The following MUC5B variants were observed in gnomAD, a reference collection of about 807,000 sequenced individuals.
The protein encoded by MUC5B is mucin 5B, oligomeric mucus/gel-forming, also known as mucin-5B.
In MUC5B, 116 loss-of-function variants were observed where a neutral mutation model predicts 376.9. The ratio of observed to expected loss-of-function variants is 0.31; its 90% CI spans 0.26 to 0.36. The LOEUF is 0.36. Ranked by LOEUF, MUC5B falls within the 10% of genes least tolerant of loss-of-function variation. The probability of loss-of-function intolerance (pLI) is 1.00; values close to 1 mark genes in which losing one functional copy is unlikely to be tolerated. For missense variants in MUC5B, 7,165 were observed against 7,769.9 expected (o/e 0.92, Z 2.93); for synonymous variants, 3,517 against 3,390.9 (o/e 1.04, Z -1.29).
chr11:1,245,918 C>T lies in MUC5B; in HGVS notation c.9038C>T (p.Ser3013Phe). The T allele has an allele frequency of 2.5e-6, 4 of 1,613,168 alleles. No homozygotes were observed. The highest frequency in any genetic ancestry group is 3.4e-6 in the Non-Finnish European group (4 of 1,179,726). ...TATTGSTAIP[S>F]STPGTAPPPK... is the part of the protein sequence containing the mutation. ...ACCACTGGATCCACGGCCATCCCGT[C>T]CTCCACCCCGGGAACAGCTCCCCCT... The change falls in exon 31 of 49, where the codon TCC becomes TTC. Residue 3013 changes from serine (S) to phenylalanine (F), a missense_variant. Physicochemically the swap from Ser to Phe is radical, Grantham distance 155. Coordinates refer to ENST00000529681, the MANE Select transcript of MUC5B (RefSeq NM_002458.3).
Position 1,246,560 on chromosome 11 carries a change from G to A in MUC5B, c.9680G>A (p.Ser3227Asn). Residue 3227 changes from serine (S) to asparagine (N), a missense_variant, in exon 31 of 49, where the codon AGC (serine) becomes AAC (asparagine). Ser to Asn is a conservative substitution (Grantham distance 46). This residue lies in a region of MUC5B where 939 missense variants were observed against 770.6 expected (regional missense o/e 1.22). Transcript: ENST00000529681. ...GTATALPALR[S>N]TATTPTATSV... is the part of the protein sequence containing the mutation. ...GCAACCGCCCTTCCAGCACTGAGAAGCACAGCCACCACACCCACAGCTACC... is the reference window on the plus strand; with the variant it reads ...GCAACCGCCCTTCCAGCACTGAGAAACACAGCCACCACACCCACAGCTACC... The A allele has an allele frequency of 1.2e-6, 2 of 1,612,684 alleles. No individual in the cohort carries two copies. Among genetic ancestry groups the A allele is most frequent in the Middle Eastern group, 1.7e-4 (1 of 6,054 alleles).
intron 5 of MUC5B, 55 bp downstream of exon 5, chr11:1,227,200 C>CG: frequency 1.3e-6 from 2 of 1,574,204 alleles, no homozygotes; most frequent in South Asian, 2.2e-5. Context: ...AAACCCCCAC[C>CG]GGGGGTCGAG....
Position 1,245,718 on chromosome 11 carries a change from C to T in MUC5B, c.8838C>T (p.Asn2946=). ...TGGACTTTGGCCTGGTCTGCAGGAACCGTGAGCAGGTGGGGAAGTTCAAGA... is the reference window on the plus strand; with the variant it reads ...TGGACTTTGGCCTGGTCTGCAGGAATCGTGAGCAGGTGGGGAAGTTCAAGA... ...CSLDFGLVCR[N]REQVGKFKMC... is the part of the protein sequence containing the mutation. The change falls in exon 31 of 49, where the codon AAC becomes AAT. Residue 2946 remains asparagine (N), a synonymous_variant. Coordinates refer to ENST00000529681, the MANE Select transcript of MUC5B (RefSeq NM_002458.3). 1 of 1,609,500 alleles carries T rather than the reference C, an allele frequency of 6.2e-7. No homozygotes were observed. The highest frequency in any genetic ancestry group is 8.5e-7 in the Non-Finnish European group (1 of 1,179,336).
chr11:1,260,477 G>A, intron 47 of MUC5B, 84 bp downstream of exon 47: 1 of 1,540,768 alleles, frequency 6.5e-7, no homozygotes, highest in Non-Finnish European at 8.9e-7. Context: ...ATCTGCACTA[G>A]GCAGCAGTGG....
rs1210706964 is a variant in MUC5B, at chr11:1,251,049, C to T, written c.14169C>T (p.Ala4723=). 2.5e-6 allele frequency: 4 copies of T among 1,611,338 alleles called. No homozygotes were observed. Among genetic ancestry groups the T allele is most frequent in the Non-Finnish European group, 3.4e-6 (4 of 1,178,300 alleles). ...ATTPAATSSK[A]TSSSSPRTAT... ...CACCCGCAGCCACCAGCTCCAAAGC[C>T]ACTTCCTCCTCCAGTCCAAGGACTG... The change falls in exon 31 of 49, where the codon GCC becomes GCT. Residue 4723 remains alanine (A), a synonymous_variant. Coordinates refer to ENST00000529681, the MANE Select transcript of MUC5B (RefSeq NM_002458.3).
rs369044295 is a variant in MUC5B at position 1,236,911 on chromosome 11, C to T, written c.3058-14C>T. On this transcript the variant is annotated splice_polypyrimidine_tract_variant and intron_variant, in intron 24 of 48. Coordinates refer to ENST00000529681, the MANE Select transcript of MUC5B (RefSeq NM_002458.3). ...CCCCAGCTCCAGGGCCCCACTCTCT[C>T]GCTGCCTCTGCAGGGCAGGGTCTGC... is the stretch of plus-strand genomic sequence containing the variant. The T allele has an allele frequency of 5.1e-5, 72 of 1,422,734 alleles. No homozygotes were observed. In the African/African-American group the frequency reaches 7.8e-4, roughly 15 times the overall value. The allele number at this position is 1,422,734 out of a possible 1,614,324, so 88.1% of individuals were successfully genotyped here. A position where few individuals can be genotyped will look rare whatever the true frequency, so the allele number is the denominator to read the frequency against.
rs767213319 is a variant in MUC5B at position 1,229,756 on chromosome 11, G to A, written c.1169G>A (p.Gly390Asp). ...LPLGQCPCTH[G>D]GRTYSPGTSF... is the part of the protein sequence containing the mutation. Reference sequence around the variant, plus strand: ...CTCGGGCAGTGCCCCTGCACCCACGGCGGCCGCACCTACAGCCCGGGCACC... The same window carrying A: ...CTCGGGCAGTGCCCCTGCACCCACGACGGCCGCACCTACAGCCCGGGCACC... Residue 390 changes from glycine (G) to aspartate (D), a missense_variant, in exon 10 of 49, where the codon GGC (glycine) becomes GAC (aspartate). Transcript: ENST00000529681. 1.2e-6 allele frequency: 2 copies of A among 1,601,714 alleles called. No homozygotes were observed. Among genetic ancestry groups the A allele is most frequent in the South Asian group, 1.1e-5 (1 of 89,204 alleles).
rs1862127636 is a variant in MUC5B at position 1,235,168 on chromosome 11, C to T, written c.2714C>T (p.Thr905Ile). Residue 905 changes from threonine to isoleucine, a missense_variant, in exon 22 of 49, where the codon ACC (threonine) becomes ATC (isoleucine). This residue lies in a region of MUC5B where 530 missense variants were observed against 604.0 expected (regional missense o/e 0.88). Transcript: ENST00000529681. ...CVAYGDGHFI[T>I]FDGDRYSFEG... ...GCCTACGGGGATGGCCACTTCATCA[C>T]CTTTGATGGCGATCGCTACAGCTTT... 1 of 1,613,090 alleles carries T rather than the reference C, an allele frequency of 6.2e-7. No homozygotes were observed. Among genetic ancestry groups the T allele is most frequent in the Non-Finnish European group, 8.5e-7 (1 of 1,179,724 alleles).
rs745761780 is a variant in MUC5B at position 1,240,268 on chromosome 11, T to C, written c.3863T>C (p.Ile1288Thr). ...GGGCTTGGCGCCTGCTTGATCGCCA[T>C]CTGCGGAAGCAACGGCACCATCATC... ...TDGLGACLIAICGSNGTIIRK... is the reference protein window; with the variant it reads ...TDGLGACLIATCGSNGTIIRK... The change falls in exon 30 of 49, where the codon ATC becomes ACC. Residue 1288 changes from isoleucine to threonine, a missense_variant. Physicochemically the swap from Ile to Thr is moderately conservative, Grantham distance 89 (BLOSUM62 -1). Transcript: ENST00000529681. 18 of 1,613,726 alleles carry C rather than the reference T, an allele frequency of 1.1e-5. No individual in the cohort carries two copies. The highest frequency in any genetic ancestry group is 3.3e-4 in the Middle Eastern group (2 of 6,058).
intron 1 of MUC5B, chr11:1,223,466 A>C: frequency 6.9e-6 from 3 of 437,256 alleles, no homozygotes; most frequent in East Asian, 4.9e-5. Flanking sequence ...GACCACCGAA[A>C]GGGTCTTGGT....
In MUC5B at chr11:1,251,390, C is replaced by A; in HGVS notation, c.14510C>A (p.Thr4837Asn). ...TTTAATGSTA[T>N]LSSTPGTTWI... ...ACTGCAGCCACTGGATCCACGGCCA[C>A]CCTGTCCTCCACCCCAGGGACCACC... The change falls in exon 31 of 49, where the codon ACC becomes AAC. Residue 4837 changes from threonine to asparagine, a missense_variant. By Grantham distance (65) the Thr-to-Asn change is moderately conservative (BLOSUM62 0). This residue lies in a region of MUC5B where 730 missense variants were observed against 592.7 expected (regional missense o/e 1.23). Coordinates refer to ENST00000529681, the MANE Select transcript of MUC5B (RefSeq NM_002458.3). 1 of 1,612,294 alleles carries A rather than the reference C, an allele frequency of 6.2e-7. No individual in the cohort carries two copies. The highest frequency in any genetic ancestry group is 8.5e-7 in the Non-Finnish European group (1 of 1,178,992).
At position 1,244,884 on chromosome 11, in the gene MUC5B, T is replaced by A. The variant is rs776934790; in HGVS notation, c.8004T>A (p.Thr2668=). The A allele has an allele frequency of 1.9e-6, 3 of 1,602,208 alleles. No homozygotes were observed. Among genetic ancestry groups the A allele is most frequent in the Admixed American group, 1.7e-5 (1 of 58,564 alleles). ...CAGTGCTGACCACCACCACCACAACTGTGGCCACTGGTTCTATGGCAACAC... is the reference window on the plus strand; with the variant it reads ...CAGTGCTGACCACCACCACCACAACAGTGGCCACTGGTTCTATGGCAACAC... ...TPTVLTTTTT[T]VATGSMATPS... is the part of the protein sequence containing the mutation. The change falls in exon 31 of 49, where the codon ACT becomes ACA. Residue 2668 remains threonine, a synonymous_variant. Transcript: ENST00000529681.
intron 30 of MUC5B, 71 bp downstream of exon 30, chr11:1,240,446 T>G: frequency 1.4e-6 from 2 of 1,382,228 alleles, no homozygotes; most frequent in South Asian, 2.7e-5. Flanking sequence ...GGGCTCTTAG[T>G]GCAGGTGCCC....
Position 1,246,293 on chromosome 11 carries a change from T to G in MUC5B, c.9413T>G (p.Leu3138Arg). 2 of 1,605,670 alleles carry G rather than the reference T, an allele frequency of 1.2e-6. No homozygotes were observed. Among genetic ancestry groups the G allele is most frequent in the Middle Eastern group, 1.7e-4 (1 of 6,002 alleles). ...TPGTTWILTE[L>R]TTAATTTAAT... is the part of the protein sequence containing the mutation. ...GGGACGACCTGGATCCTCACAGAGC[T>G]GACCACAGCAGCCACTACAACTGCA... The change falls in exon 31 of 49, where the codon CTG becomes CGG. Residue 3138 changes from leucine to arginine, a missense_variant. Coordinates refer to ENST00000529681, the MANE Select transcript of MUC5B (RefSeq NM_002458.3).
rs1861993387 is a variant in MUC5B, at chr11:1,230,248, C to T, written c.1359+105C>T. 39 of 1,438,824 alleles carry T rather than the reference C, an allele frequency of 2.7e-5. 2 individuals are homozygous for T. The South Asian group carries it at 4.5e-4, about 17-fold the overall frequency. 89.1% of individuals were successfully genotyped at this position (1,438,824 alleles called of 1,614,324 possible). ...ACGATGGTCATAGAGGGGTGGATGTCCCTGCTGAGGGGGGAGCCCTGGGTC... is the reference window on the plus strand; with the variant it reads ...ACGATGGTCATAGAGGGGTGGATGTTCCTGCTGAGGGGGGAGCCCTGGGTC... On this transcript the variant is annotated intron_variant, in intron 11 of 48. Transcript: ENST00000529681.
At position 1,249,427 on chromosome 11, in the gene MUC5B, C is replaced by T; in HGVS notation, c.12547C>T (p.Pro4183Ser). Residue 4183 changes from proline to serine, a missense_variant, in exon 31 of 49, where the codon CCC becomes TCC. Around this residue, in one of 31 missense-constraint regions of MUC5B, gnomAD observed 34 missense variants for 25.7 expected, o/e 1.32. Coordinates refer to ENST00000529681, the MANE Select transcript of MUC5B (RefSeq NM_002458.3). ...CCGTGCCCAGGCCCAGCCTGGTGTC[C>T]CCCTGGGGGAGTTGGGCCAGGTCGT... ...ECRAQAQPGV[P>S]LGELGQVVEC... 1.2e-6 allele frequency: 2 copies of T among 1,611,468 alleles called. No individual in the cohort carries two copies. Among genetic ancestry groups the T allele is most frequent in the South Asian group, 2.2e-5 (2 of 90,992 alleles).
chr11:1,238,118 G>A (rs536956429), intron 25 of MUC5B, among the ~76,000 whole-genome samples: 2 of 152,362 alleles, frequency 1.3e-5, no homozygotes, highest in East Asian at 3.9e-4. Context: ...CCCAGGTTCA[G>A]ATGGGGCCTG....
chr11:1,252,247 C>T (rs1278272276), intron 31 of MUC5B, 96 bp from the exon 32 acceptor site: 4 of 1,241,956 alleles, frequency 3.2e-6, no homozygotes, highest in East Asian at 4.9e-5. Flanking sequence ...GGAACCGCTG[C>T]TCCCTCCTGC....
rs770478830 is a variant in MUC5B at position 1,246,254 on chromosome 11, C to T, written c.9374C>T (p.Pro3125Leu). The T allele has an allele frequency of 1.2e-6, 2 of 1,612,938 alleles. No individual in the cohort carries two copies. The highest frequency in any genetic ancestry group is 2.2e-5 in the South Asian group (2 of 91,030). ...TTRATSSMST[P>L]SSTPGTTWIL... ...AGGGCCACCAGTTCCATGTCCACCCCCTCCTCCACTCCGGGGACGACCTGG... is the reference window on the plus strand; with the variant it reads ...AGGGCCACCAGTTCCATGTCCACCCTCTCCTCCACTCCGGGGACGACCTGG... Residue 3125 changes from proline (P) to leucine (L), a missense_variant, in exon 31 of 49, where the codon CCC (proline) becomes CTC (leucine). Transcript: ENST00000529681.
Sources: allele counts gnomAD v4.1 joint callset (sites outside exome capture counted in the v4.1 genomes callset), GRCh38; gene constraint gnomAD v4.1.1; regional missense constraint gnomAD v4.1.1; transcripts MANE v1.5; gene names NCBI Gene and HGNC (gene_info 2026-07-23, HGNC 2026-07-21).